The following INTS6L variants were observed in gnomAD, a reference collection of about 807,000 sequenced individuals.
INTS6L encodes integrator complex subunit 6 like.
INTS6L carries 18 observed loss-of-function variants against 64.7 expected under a neutral mutation model. The observed-to-expected ratio is 0.28, with a 90% CI of 0.19 to 0.41. INTS6L has a LOEUF of 0.41. INTS6L is among the 10% of genes least tolerant of loss of function. The probability of loss-of-function intolerance (pLI) is 1.00; values close to 1 mark genes in which losing one functional copy is unlikely to be tolerated. For missense variants in INTS6L, 533 were observed against 661.0 expected (o/e 0.81, Z 2.12); for synonymous variants, 227 against 235.9 (o/e 0.96, Z 0.34).
intron 2 of INTS6L, among the ~76,000 whole-genome samples, chrX:135,529,506 C>T (rs1424428820): frequency 9.0e-6 from 1 of 111,668 alleles, no homozygotes. Flanking sequence ...GTGGAGGTTA[C>T]AGGAGTGATT....
chrX:135,558,893 C>T (rs2086711910), intron 9 of INTS6L, among the ~76,000 whole-genome samples: 1 of 107,016 alleles, frequency 9.3e-6, no homozygotes, highest in African/African-American at 3.4e-5. Flanking sequence ...TCAAGTGACT[C>T]TCCCGCCTCA....
chrX:135,526,995 A>T (rs1333589279), intron 2 of INTS6L, among the ~76,000 whole-genome samples: 1 of 112,184 alleles, frequency 8.9e-6, no homozygotes, highest in African/African-American at 3.2e-5. Context: ...TTTTTACAAG[A>T]TAAGTGTATA....
rs782138095 is a variant in INTS6L at position 135,524,257 on chromosome X, C to T, written c.189+2939C>T. On this transcript the variant is annotated intron_variant, in intron 2 of 17. Coordinates refer to ENST00000639893, the MANE Select transcript of INTS6L (RefSeq NM_001351601.3). The stretch of plus-strand genomic sequence containing the variant: ...TCTTAAAATTTAGTCTAGTCTTTCA[C>T]TTGCTAATAGCTGGGAGCCATAAAT... Among the ~76,000 whole-genome samples the T allele has an allele frequency of 3.2e-3, 359 of 111,116 alleles. 1 individual carries two copies. The highest frequency in any genetic ancestry group is 5.6e-3 in the Non-Finnish European group (298 of 52,989).
intron 9 of INTS6L, among the ~76,000 whole-genome samples, chrX:135,565,332 G>C (rs1262003161): frequency 9.0e-6 from 1 of 111,698 alleles, no homozygotes; most frequent in Non-Finnish European, 1.9e-5. Flanking sequence ...TCAGATGAAG[G>C]CATGACATAA....
intron 7 of INTS6L, 82 bp downstream of exon 7, chrX:135,549,887 G>T (rs2086453708): frequency 2.8e-6 from 3 of 1,073,116 alleles, no homozygotes; most frequent in African/African-American, 1.9e-5. Flanking sequence ...AAATAGCTTT[G>T]AGGCCTTTAT....
intron 2 of INTS6L, among the ~76,000 whole-genome samples, chrX:135,523,863 AT>A (rs1410179259): frequency 9.0e-6 from 1 of 111,286 alleles, no homozygotes; most frequent in Admixed American, 9.5e-5. Flanking sequence ...GTTGAGTTTG[AT>A]TTTTTTTCCT....
chrX:135,549,562 C>A, intron 6 of INTS6L, 80 bp from the exon 7 acceptor site: 2 of 1,083,336 alleles, frequency 1.8e-6, no homozygotes. Context: ...ACTTTGCTTT[C>A]AGCTGGAAAA....
At chrX:135,544,891 A>G (rs1233152750) in intron 2 of INTS6L, among the ~76,000 whole-genome samples, 4 of 111,851 alleles carry the variant, frequency 3.6e-5, no homozygotes, top group East Asian at 2.8e-4. Context: ...ATGCTTGAAG[A>G]TACCAGAAGG....
Position 135,581,023 on chromosome X carries a change from T to C in INTS6L, c.2495-27T>C, listed in dbSNP as rs782796298. ...TATTTCCCATTCATCTTTATAAAAA[T>C]ACTGAAGTTTTTTTAAATATCTTCA... On this transcript the variant is annotated intron_variant, in intron 16 of 17. Transcript: ENST00000639893. 3.9e-6 allele frequency: 4 copies of C among 1,017,418 alleles called. No individual in the cohort carries two copies. The South Asian group carries it at 9.9e-5, about 25-fold the overall frequency. The allele number at this position is 1,017,418 out of a possible 1,213,427, so 83.8% of individuals were successfully genotyped here.
At chrX:135,570,110 C>T (rs1281436207) in intron 10 of INTS6L, 1 of 148,592 alleles carries the variant, frequency 6.7e-6, no homozygotes, top group Non-Finnish European at 1.3e-5. Context: ...GGGTGTGTTA[C>T]TGTTTACCAT....
At chrX:135,542,600 T>C (rs1466564515) in intron 2 of INTS6L, among the ~76,000 whole-genome samples, 2 of 111,513 alleles carry the variant, frequency 1.8e-5, no homozygotes, top group African/African-American at 6.5e-5. Flanking sequence ...TGTAAAATGC[T>C]TTCATTTCAT....
chrX:135,534,081 A>T (rs782003746), intron 2 of INTS6L, among the ~76,000 whole-genome samples: 12 of 111,034 alleles, frequency 1.1e-4, no homozygotes, highest in Non-Finnish European at 2.1e-4. Context: ...TTTGGATATT[A>T]TCATGTTTTC....
intron 8 of INTS6L, among the ~76,000 whole-genome samples, chrX:135,553,479 A>T (rs1355793215): frequency 4.9e-5 from 5 of 101,611 alleles, no homozygotes; most frequent in Admixed American, 1.1e-4. Flanking sequence ...CTAATTTTTT[A>T]AATTTTTTTT....
In INTS6L at chrX:135,551,981, A is replaced by C; in HGVS notation, c.907-13A>C. The C allele has an allele frequency of 8.9e-7, 1 of 1,117,830 alleles. No individual in the cohort carries two copies. The highest frequency in any genetic ancestry group is 1.2e-6 in the Non-Finnish European group (1 of 851,333). The allele number at this position is 1,117,830 out of a possible 1,213,427, so 92.1% of individuals were successfully genotyped here. A position where few individuals can be genotyped will look rare whatever the true frequency, so the allele number is the denominator to read the frequency against. On this transcript the variant is annotated splice_polypyrimidine_tract_variant and intron_variant, in intron 7 of 17. Transcript: ENST00000639893. ...AACCATTTTTTCTGCTTTTTTTAAAAAATTTTTTTTAGCCTCCACGAACAT... is the reference window on the plus strand; with the variant it reads ...AACCATTTTTTCTGCTTTTTTTAAACAATTTTTTTTAGCCTCCACGAACAT...
intron 9 of INTS6L, among the ~76,000 whole-genome samples, chrX:135,566,427 G>A (rs1556524853): frequency 9.0e-6 from 1 of 111,464 alleles, no homozygotes; most frequent in East Asian, 2.8e-4. Context: ...TAGTGGACAG[G>A]GACAGTTAGT....
At chrX:135,569,602 C>T (rs2087043897) in intron 10 of INTS6L, 171 bp downstream of exon 10, 1 of 285,243 alleles carries the variant, frequency 3.5e-6, no homozygotes. Flanking sequence ...TTGGAGATGT[C>T]ATGGCGGCAC....
At chrX:135,531,349 T>C (rs1213707394) in intron 2 of INTS6L, among the ~76,000 whole-genome samples, 1 of 112,400 alleles carries the variant, frequency 8.9e-6, no homozygotes, top group African/African-American at 3.2e-5. Context: ...CACACACTGA[T>C]GCTTCACCAT....
At chrX:135,543,455 C>T (rs2086276101) in intron 2 of INTS6L, among the ~76,000 whole-genome samples, 1 of 111,621 alleles carries the variant, frequency 9.0e-6, no homozygotes, top group South Asian at 3.7e-4. Context: ...TCACTCCATC[C>T]CATCAGTATT....
chrX:135,553,360 C>T (rs781991672), intron 8 of INTS6L, among the ~76,000 whole-genome samples: 1 of 109,722 alleles, frequency 9.1e-6, no homozygotes, highest in South Asian at 4.0e-4. Context: ...TGCAGTAACA[C>T]AATCTCAGCT....
Sources: allele counts gnomAD v4.1 joint callset (sites outside exome capture counted in the v4.1 genomes callset), GRCh38; gene constraint gnomAD v4.1.1; transcripts MANE v1.5; gene names NCBI Gene and HGNC (gene_info 2026-07-23, HGNC 2026-07-21).